SORCS1: variants seen among roughly 807,000 people sequenced by gnomAD.
The protein encoded by SORCS1 is VPS10 domain-containing receptor SorCS1.
In SORCS1, 60 loss-of-function variants were observed where a neutral mutation model predicts 146.1. The observed-to-expected ratio is 0.41, with a 90% CI of 0.33 to 0.51. The LOEUF is 0.51. SORCS1 is among the 20% of genes least tolerant of loss of function. The pLI, the probability that SORCS1 is intolerant of heterozygous loss-of-function variation, is 0.21. For missense variants in SORCS1, 1,352 were observed against 1,487.6 expected, an observed-to-expected ratio of 0.91 and a Z score of 1.50; for synonymous variants, 637 against 584.0, an observed-to-expected ratio of 1.09 and a Z score of -1.31.
chr10:106,971,755 C>T (rs1589823019), intron 1 of SORCS1, among the ~76,000 whole-genome samples: 1 of 152,188 alleles, frequency 6.6e-6, no homozygotes, highest in Non-Finnish European at 1.5e-5. Flanking sequence ...CAGGACACTG[C>T]AGAGATCCAC....
chr10:106,922,325 G>C (rs1952754689), intron 2 of SORCS1, among the ~76,000 whole-genome samples: 1 of 152,144 alleles, frequency 6.6e-6, no homozygotes, highest in Admixed American at 6.5e-5. Context: ...GGAGATAAGA[G>C]CAGCTGACTT....
chr10:107,157,408 G>T (rs1307236487), intron 1 of SORCS1, among the ~76,000 whole-genome samples: 1 of 151,952 alleles, frequency 6.6e-6, no homozygotes, highest in Non-Finnish European at 1.5e-5. Flanking sequence ...GGAACATCTT[G>T]TTTTTTTTAT....
chr10:106,702,794 T>A (rs59166908), intron 8 of SORCS1, among the ~76,000 whole-genome samples: 1 of 152,342 alleles, frequency 6.6e-6, no homozygotes, highest in African/African-American at 2.4e-5. Context: ...TGGCACTTTA[T>A]GTTGAATGCT....
At chr10:106,643,107 T>A (rs7069395) in intron 18 of SORCS1, among the ~76,000 whole-genome samples, 2 of 152,092 alleles carry the variant, frequency 1.3e-5, no homozygotes, top group Admixed American at 6.5e-5. Context: ...ATACCATAGA[T>A]CCTGGATTAG....
intron 4 of SORCS1, among the ~76,000 whole-genome samples, chr10:106,764,104 G>A (rs187945216): frequency 1.1e-3 from 173 of 152,212 alleles, no homozygotes; most frequent in Admixed American, 5.0e-3. Flanking sequence ...AACTAGAGGC[G>A]TATACCTAAA....
intron 17 of SORCS1, among the ~76,000 whole-genome samples, chr10:106,660,171 A>T (rs1012527485): frequency 2.6e-5 from 4 of 152,238 alleles, no homozygotes; most frequent in Non-Finnish European, 5.9e-5. Flanking sequence ...AAAAGACCAA[A>T]GCTCCAGAGA....
chr10:106,601,125 T>C (rs1171123007), intron 23 of SORCS1, among the ~76,000 whole-genome samples: 3 of 152,222 alleles, frequency 2.0e-5, no homozygotes, highest in Admixed American at 2.0e-4. Context: ...ATAAACTGCA[T>C]TCTACTGGAA....
intron 3 of SORCS1, among the ~76,000 whole-genome samples, chr10:106,821,921 CA>C (rs1305874636): frequency 2.1e-5 from 3 of 144,200 alleles, no homozygotes; most frequent in Non-Finnish European, 4.5e-5. Context: ...GACTCCATCT[CA>C]AAAAAATAAA....
At chr10:106,864,366 CG>C (rs556503653) in intron 2 of SORCS1, among the ~76,000 whole-genome samples, 146 of 152,246 alleles carry the variant, frequency 9.6e-4, no homozygotes, top group African/African-American at 3.5e-3. Flanking sequence ...ACGCTTCTCC[CG>C]TGGATCTTTG....
At chr10:106,853,304 C>T (rs568809286) in intron 2 of SORCS1, among the ~76,000 whole-genome samples, 1 of 151,948 alleles carries the variant, frequency 6.6e-6, no homozygotes, top group Non-Finnish European at 1.5e-5. Flanking sequence ...TCCATAGGAT[C>T]TGTAGTGCTC....
At chr10:107,134,679 G>C (rs1174078875) in intron 1 of SORCS1, among the ~76,000 whole-genome samples, 1 of 152,132 alleles carries the variant, frequency 6.6e-6, no homozygotes, top group Non-Finnish European at 1.5e-5. Context: ...CAGTAGCTTA[G>C]TGTAACTGGA....
At chr10:106,988,734 TA>T (rs1477708118) in intron 1 of SORCS1, among the ~76,000 whole-genome samples, 3 of 151,932 alleles carry the variant, frequency 2.0e-5, no homozygotes, top group Non-Finnish European at 2.9e-5. Flanking sequence ...CTACAATAAA[TA>T]AAAAATCAGG....
intron 24 of SORCS1, among the ~76,000 whole-genome samples, chr10:106,596,086 C>T (rs1845887558): frequency 1.3e-5 from 2 of 152,120 alleles, no homozygotes; most frequent in Admixed American, 6.5e-5. Context: ...CCCAGGATTC[C>T]ATAGTGAGTA....
chr10:106,751,151 T>TA (rs544812741), intron 5 of SORCS1, among the ~76,000 whole-genome samples: 68 of 111,422 alleles, frequency 6.1e-4, no homozygotes, highest in South Asian at 2.7e-3. Flanking sequence ...TCATTAACAA[T>TA]AAAAAAAGAA....
intron 2 of SORCS1, among the ~76,000 whole-genome samples, chr10:106,867,282 ATT>A (rs1950255058): frequency 6.6e-6 from 1 of 150,820 alleles, no homozygotes; most frequent in African/African-American, 2.5e-5. Flanking sequence ...GGAAGCTTAT[ATT>A]AAATTTTTTT....
chr10:106,619,862 A>C (rs766518427), intron 20 of SORCS1, among the ~76,000 whole-genome samples: 46 of 152,326 alleles, frequency 3.0e-4, no homozygotes, highest in Admixed American at 6.5e-4. Context: ...AAAACATATA[A>C]AAGTTAAAGC....
intron 1 of SORCS1, among the ~76,000 whole-genome samples, chr10:107,100,503 G>C (rs1964845819): frequency 6.9e-6 from 1 of 145,232 alleles, no homozygotes; most frequent in Admixed American, 7.1e-5. Flanking sequence ...AACAGAGCAA[G>C]ACTCCGCCTC....
intron 3 of SORCS1, among the ~76,000 whole-genome samples, chr10:106,795,462 A>C (rs2136569978): frequency 6.6e-6 from 1 of 152,300 alleles, no homozygotes; most frequent in African/African-American, 2.4e-5. Context: ...TTTAGATCAA[A>C]TTCAGCTTTT....
At chr10:106,998,273 T>G (rs1319837864) in intron 1 of SORCS1, among the ~76,000 whole-genome samples, 2 of 152,232 alleles carry the variant, frequency 1.3e-5, no homozygotes, top group Admixed American at 6.5e-5. Flanking sequence ...TGAAAGCTCA[T>G]GCCTTTGCAG....
Sources: gnomAD v4.1 joint callset for allele counts (sites outside exome capture counted in the v4.1 genomes callset) on GRCh38, gnomAD v4.1.1 for gene constraint, MANE v1.5 for transcripts, NCBI Gene and HGNC (gene_info 2026-07-23, HGNC 2026-07-21) for gene names.